MUC13: variants seen among roughly 807,000 people sequenced by gnomAD.
MUC13 encodes mucin-13.
In MUC13, 32 loss-of-function variants were observed where a neutral mutation model predicts 48.3. The observed-to-expected ratio is 0.66, with a 90% CI of 0.50 to 0.89. The LOEUF (loss-of-function observed/expected upper bound fraction) is 0.89. Among genes scored for constraint, MUC13 ranks in the 40% least tolerant of loss-of-function variants. The probability of loss-of-function intolerance (pLI) is 0.00; values close to 1 mark genes in which losing one functional copy is unlikely to be tolerated. For synonymous variants in MUC13, 199 were observed against 224.9 expected (o/e 0.88, Z 1.03); for missense variants, 571 against 622.8 (o/e 0.92, Z 0.88).
At chr3:124,922,391 T>G in intron 3 of MUC13, 88 bp from the exon 4 acceptor site, 1 of 1,461,862 alleles carries the variant, frequency 6.8e-7, no homozygotes, top group Non-Finnish European at 9.1e-7. Flanking sequence ...TTTTTTAGAA[T>G]TCCCAACATT....
intron 1 of MUC13, among the ~76,000 whole-genome samples, chr3:124,933,998 A>G (rs563361065): frequency 6.6e-6 from 1 of 152,312 alleles, no homozygotes; most frequent in African/African-American, 2.4e-5. Flanking sequence ...TACATTTGTG[A>G]AAGGAGGCTT....
chr3:124,933,020 C>T (rs1317212245), intron 1 of MUC13, among the ~76,000 whole-genome samples: 1 of 152,106 alleles, frequency 6.6e-6, no homozygotes, highest in Admixed American at 6.6e-5. Context: ...GAAAGTCATA[C>T]AAGCCTCACC....
In MUC13 at chr3:124,922,659, T is replaced by G. The variant is rs958819876; in HGVS notation, c.638-356A>C. Reference sequence around the variant, plus strand: ...TCTTGCTCTATCACCCAGGCTGGAGTGCAGTGGCACAACTGGGTCACTGCA... The same window carrying G: ...TCTTGCTCTATCACCCAGGCTGGAGGGCAGTGGCACAACTGGGTCACTGCA... On this transcript the variant is annotated intron_variant, in intron 3 of 11. Coordinates refer to ENST00000616727, the MANE Select transcript of MUC13 (RefSeq NM_033049.4). Among the ~76,000 whole-genome samples, 3 of 1,740 alleles carry G rather than the reference T, an allele frequency of 1.7e-3. No individual in the cohort carries two copies. The Admixed American group carries it at 0.018, about 10-fold the overall frequency. 1.1% of individuals were successfully genotyped at this position (1,740 alleles called of 152,430 possible).
chr3:124,925,798 A>G (rs1379461493), intron 2 of MUC13, among the ~76,000 whole-genome samples: 1 of 152,110 alleles, frequency 6.6e-6, no homozygotes, highest in African/African-American at 2.4e-5. Context: ...ATTTTTCTGT[A>G]GAGATGGGGT....
intron 6 of MUC13, 38 bp from the exon 7 acceptor site, chr3:124,913,719 G>A (rs1935464471): frequency 6.2e-7 from 1 of 1,612,418 alleles, no homozygotes; most frequent in Non-Finnish European, 8.5e-7. Context: ...TATTCAGCAT[G>A]ACAATATGGA....
intron 1 of MUC13, among the ~76,000 whole-genome samples, chr3:124,933,073 C>T (rs1017203141): frequency 6.6e-6 from 1 of 152,148 alleles, no homozygotes; most frequent in African/African-American, 2.4e-5. Context: ...GCATCTGCCC[C>T]CAAGGTTGGC....
At chr3:124,931,070 C>A (rs986699732) in intron 1 of MUC13, among the ~76,000 whole-genome samples, 1 of 152,162 alleles carries the variant, frequency 6.6e-6, no homozygotes, top group African/African-American at 2.4e-5. Context: ...AGATGGAACT[C>A]ATGTTTGAAG....
At chr3:124,908,106 C>A in intron 11 of MUC13, 41 bp downstream of exon 11, 1 of 1,601,002 alleles carries the variant, frequency 6.2e-7, no homozygotes, top group Non-Finnish European at 8.6e-7. Flanking sequence ...TGCCCTGGTG[C>A]ATTCACTCCC....
At chr3:124,929,979 A>G (rs1178467786) in intron 1 of MUC13, among the ~76,000 whole-genome samples, 1 of 152,236 alleles carries the variant, frequency 6.6e-6, no homozygotes, top group East Asian at 1.9e-4. Context: ...TCATCGGAGT[A>G]GCAGTGAGAG....
At chr3:124,907,261 G>C (rs921607665) in intron 11 of MUC13, among the ~76,000 whole-genome samples, 5 of 152,076 alleles carry the variant, frequency 3.3e-5, no homozygotes, top group Admixed American at 2.0e-4. Context: ...CCTGCTTCAG[G>C]CTCCCAAAGT....
In MUC13 at chr3:124,908,243, C is replaced by T; in HGVS notation, c.1443G>A (p.Gly481=). The T allele has an allele frequency of 1.2e-6, 2 of 1,614,150 alleles. No individual in the cohort carries two copies. Among genetic ancestry groups the T allele is most frequent in the Non-Finnish European group, 1.7e-6 (2 of 1,180,020 alleles). ...STGFTNLGAE[G]SVFPKVRITA... Reference sequence around the variant, plus strand: ...TTATCCTGACCTTAGGAAAGACGCTCCCTTCTGCTCCAAGATTGGTGAAGC... The same window carrying T: ...TTATCCTGACCTTAGGAAAGACGCTTCCTTCTGCTCCAAGATTGGTGAAGC... Residue 481 remains glycine, a synonymous_variant, in exon 11 of 12, where the codon GGG becomes GGA. Coordinates refer to ENST00000616727, the MANE Select transcript of MUC13 (RefSeq NM_033049.4).
intron 1 of MUC13, among the ~76,000 whole-genome samples, chr3:124,931,449 C>T (rs1421895843): frequency 2.7e-5 from 4 of 149,442 alleles, no homozygotes; most frequent in Admixed American, 2.7e-4. Context: ...AAAAAAGCAA[C>T]TTTTTAAAAA....
chr3:124,928,026 C>G (rs754367937), intron 1 of MUC13, 33 bp from the exon 2 acceptor site: 10 of 1,415,094 alleles, frequency 7.1e-6, no homozygotes, highest in Non-Finnish European at 1.9e-6. Flanking sequence ...TTTGAGGAGA[C>G]AGTACATTGA....
chr3:124,910,949 A>G (rs1935410981), intron 9 of MUC13, among the ~76,000 whole-genome samples: 1 of 152,158 alleles, frequency 6.6e-6, no homozygotes, highest in Non-Finnish European at 1.5e-5. Context: ...AAGAGTCTAG[A>G]CGTTCATTAT....
chr3:124,931,054 A>G (rs1935785862), intron 1 of MUC13, among the ~76,000 whole-genome samples: 1 of 152,224 alleles, frequency 6.6e-6, no homozygotes. Flanking sequence ...GGTTGCTCAG[A>G]ATCTGAGATG....
At chr3:124,911,044 C>T (rs1935412705) in intron 9 of MUC13, among the ~76,000 whole-genome samples, 4 of 152,134 alleles carry the variant, frequency 2.6e-5, no homozygotes. Flanking sequence ...ACAGACACAC[C>T]AGATTGCAAA....
At chr3:124,908,029 A>C in intron 11 of MUC13, 118 bp downstream of exon 11, 1 of 938,218 alleles carries the variant, frequency 1.1e-6, no homozygotes, top group Non-Finnish European at 1.6e-6. Flanking sequence ...TCTTTCAATT[A>C]AGAAAAAGAA....
chr3:124,925,337 G>C (rs1935670373), intron 2 of MUC13, among the ~76,000 whole-genome samples: 1 of 152,166 alleles, frequency 6.6e-6, no homozygotes, highest in South Asian at 2.1e-4. Context: ...AAGTGCAAAA[G>C]ATATTTAGGG....
At chr3:124,928,736 A>T (rs899237716) in intron 1 of MUC13, among the ~76,000 whole-genome samples, 1 of 152,194 alleles carries the variant, frequency 6.6e-6, no homozygotes, top group Non-Finnish European at 1.5e-5. Context: ...TTATGCCTGT[A>T]GTCACGTAAC....
Sources: gnomAD v4.1 joint callset for allele counts (sites outside exome capture counted in the v4.1 genomes callset) on GRCh38, gnomAD v4.1.1 for gene constraint, MANE v1.5 for transcripts, NCBI Gene and HGNC (gene_info 2026-07-23, HGNC 2026-07-21) for gene names.